RABGAP1L: variants seen among roughly 807,000 people sequenced by gnomAD.
RABGAP1L encodes the protein rab GTPase-activating protein 1-like.
Under a neutral mutation model 137.7 loss-of-function variants are expected in RABGAP1L, and 63 were observed. The observed-to-expected ratio is 0.46, with a 90% CI of 0.37 to 0.56. The LOEUF (loss-of-function observed/expected upper bound fraction) is 0.56. RABGAP1L is among the 20% of genes least tolerant of loss of function. RABGAP1L has a pLI of 0.00. For missense variants in RABGAP1L, 1,095 were observed against 1,244.0 expected, an observed-to-expected ratio of 0.88 and a Z score of 1.80; for synonymous variants, 431 against 433.7, an observed-to-expected ratio of 0.99 and a Z score of 0.08.
At chr1:174,975,984 G>T in intron 21 of RABGAP1L, 94 bp from the exon 22 acceptor site, 2 of 1,143,066 alleles carry the variant, frequency 1.7e-6, no homozygotes, top group Non-Finnish European at 2.5e-6. Flanking sequence ...TTTTGGAACA[G>T]CAACTGAAGA....
chr1:174,741,550 T>C (rs1683408202), intron 17 of RABGAP1L, among the ~76,000 whole-genome samples: 1 of 152,050 alleles, frequency 6.6e-6, no homozygotes, highest in Non-Finnish European at 1.5e-5. Context: ...TTTGTAGAGA[T>C]GGGGTCTCAC....
At chr1:174,609,051 C>A (rs1670991169) in intron 13 of RABGAP1L, among the ~76,000 whole-genome samples, 2 of 152,120 alleles carry the variant, frequency 1.3e-5, no homozygotes. Context: ...AACTACTTAA[C>A]ACTTATGCCT....
chr1:174,754,909 C>T (rs574817161), intron 18 of RABGAP1L, among the ~76,000 whole-genome samples: 1 of 152,314 alleles, frequency 6.6e-6, no homozygotes, highest in African/African-American at 2.4e-5. Context: ...ACAGAACTAA[C>T]ATTTCTTGAA....
chr1:174,566,655 A>G (rs956197522), intron 13 of RABGAP1L, among the ~76,000 whole-genome samples: 11 of 152,182 alleles, frequency 7.2e-5, no homozygotes, highest in Non-Finnish European at 1.6e-4. Context: ...CAAAAATTCC[A>G]TATGTATTTG....
rs1239045885 is a variant in RABGAP1L, at chr1:174,840,829, A to T, written c.2340+28869A>T. Among the ~76,000 whole-genome samples the T allele has an allele frequency of 2.4e-4, 6 of 24,510 alleles. No homozygotes were observed. In the East Asian group the frequency reaches 0.095, roughly 389 times the overall value. 16.1% of individuals were successfully genotyped at this position (24,510 alleles called of 152,430 possible). On this transcript the variant is annotated intron_variant, in intron 19 of 25. Coordinates refer to ENST00000681986, the MANE Select transcript of RABGAP1L (RefSeq NM_001366446.1). ...AGAATCTGTCTCAAAAAAAAAAATA[A>T]AAAAAAAAAAAGAAGAAGAAGGGTA... is the stretch of plus-strand genomic sequence containing the variant.
intron 19 of RABGAP1L, among the ~76,000 whole-genome samples, chr1:174,955,986 A>G (rs1238047146): frequency 6.6e-6 from 1 of 152,200 alleles, no homozygotes; most frequent in Non-Finnish European, 1.5e-5. Context: ...AAAGGCTAAA[A>G]GTAGATTTAA....
intron 20 of RABGAP1L, among the ~76,000 whole-genome samples, chr1:174,967,736 C>G (rs1669765441): frequency 6.6e-6 from 1 of 152,064 alleles, no homozygotes; most frequent in Non-Finnish European, 1.5e-5. Flanking sequence ...ATCCTCCGGT[C>G]TCAGGCTCCC....
At position 174,645,896 on chromosome 1, in the gene RABGAP1L, C is replaced by T. The variant is rs553864401; in HGVS notation, c.1824+8408C>T. On this transcript the variant is annotated intron_variant, in intron 14 of 25. Transcript: ENST00000681986. ...TGTTTCCTGACTTTTTAATGATCGC[C>T]ATTCTAACTGGTGTGAGATGGTATC... 1.6e-3 allele frequency among the ~76,000 whole-genome samples: 240 copies of T among 152,222 alleles called. 3 individuals are homozygous for T. Among genetic ancestry groups the T allele is most frequent in the Non-Finnish European group, 2.4e-4 (16 of 68,016 alleles).
intron 13 of RABGAP1L, among the ~76,000 whole-genome samples, chr1:174,449,800 T>C (rs947979192): frequency 6.6e-6 from 1 of 152,182 alleles, no homozygotes; most frequent in South Asian, 2.1e-4. Flanking sequence ...TGCAGCACAG[T>C]TTTTCTGCTA....
intron 19 of RABGAP1L, chr1:174,922,258 A>G (rs1661945621): frequency 6.4e-6 from 1 of 156,286 alleles, no homozygotes; most frequent in African/African-American, 2.4e-5. Context: ...GGAAGCGCAT[A>G]GACATCAAAG....
At chr1:174,590,223 G>C (rs1433732412) in intron 13 of RABGAP1L, among the ~76,000 whole-genome samples, 1 of 140,454 alleles carries the variant, frequency 7.1e-6, no homozygotes, top group Non-Finnish European at 1.5e-5. Context: ...ATTTAAAATG[G>C]ACTAATACAC....
chr1:174,241,358 T>C (rs1468070328), intron 4 of RABGAP1L, 125 bp from the exon 5 acceptor site: 1 of 556,946 alleles, frequency 1.8e-6, no homozygotes. Context: ...AGTTATTTTA[T>C]ATATCATATA....
At chr1:174,932,715 T>TC (rs999464543) in intron 19 of RABGAP1L, among the ~76,000 whole-genome samples, 1 of 152,210 alleles carries the variant, frequency 6.6e-6, no homozygotes, top group African/African-American at 2.4e-5. Flanking sequence ...ATATATAGAA[T>TC]CATGATTTCC....
intron 1 of RABGAP1L, among the ~76,000 whole-genome samples, chr1:174,172,103 C>T (rs1184327829): frequency 6.7e-6 from 1 of 150,054 alleles, no homozygotes; most frequent in African/African-American, 2.5e-5. Context: ...AACATAGTGT[C>T]CTCCAGGTTC....
chr1:174,473,904 A>G (rs527552926), intron 13 of RABGAP1L, among the ~76,000 whole-genome samples: 1 of 152,302 alleles, frequency 6.6e-6, no homozygotes, highest in African/African-American at 2.4e-5. Flanking sequence ...CAGGAAATTA[A>G]TCTATATCAG....
At chr1:174,365,472 C>A (rs1407284549) in intron 11 of RABGAP1L, among the ~76,000 whole-genome samples, 1 of 151,892 alleles carries the variant, frequency 6.6e-6, no homozygotes, top group Admixed American at 6.6e-5. Flanking sequence ...CATTTCAGCC[C>A]GCAGTGTTGA....
At chr1:174,333,528 T>A (rs914374008) in intron 11 of RABGAP1L, among the ~76,000 whole-genome samples, 2 of 152,154 alleles carry the variant, frequency 1.3e-5, no homozygotes, top group African/African-American at 4.8e-5. Flanking sequence ...GTCCACTTAT[T>A]CCAAAGTGAC....
intron 13 of RABGAP1L, among the ~76,000 whole-genome samples, chr1:174,597,635 T>C (rs546660766): frequency 1.3e-5 from 2 of 152,242 alleles, no homozygotes; most frequent in Admixed American, 6.5e-5. Context: ...TTGATTTTGT[T>C]TTCAAAAAAC....
At chr1:174,493,814 C>A (rs79170014) in intron 13 of RABGAP1L, among the ~76,000 whole-genome samples, 11,217 of 141,512 alleles carry the variant, frequency 0.079, 616 homozygotes, top group East Asian at 0.33. Context: ...GGAGTGAGAC[C>A]CTGTCTGAAA....
Sources: allele counts gnomAD v4.1 joint callset (sites outside exome capture counted in the v4.1 genomes callset), GRCh38; gene constraint gnomAD v4.1.1; transcripts MANE v1.5; gene names NCBI Gene and HGNC (gene_info 2026-07-23, HGNC 2026-07-21).